Variants in DPYD observed in about 807,000 individuals in gnomAD.
DPYD encodes the protein dihydropyrimidine dehydrogenase, also known as dihydropyrimidine dehydrogenase [NADP(+)].
Under a neutral mutation model 116.2 loss-of-function variants are expected in DPYD, and 109 were observed. That is an observed-to-expected ratio of 0.94 (90% CI 0.80 to 1.10). The LOEUF (loss-of-function observed/expected upper bound fraction) is 1.10, where lower values mean the gene tolerates loss of function less well. DPYD is among the 50% of genes least tolerant of loss of function. DPYD has a pLI of 0.00. For synonymous variants in DPYD, 440 were observed against 432.0 expected, an observed-to-expected ratio of 1.02 and a Z score of -0.23; for missense variants, 1,302 against 1,254.5, an observed-to-expected ratio of 1.04 and a Z score of -0.57.
chr1:97,819,833 C>T (rs1387923459), intron 3 of DPYD, among the ~76,000 whole-genome samples: 1 of 151,996 alleles, frequency 6.6e-6, no homozygotes, highest in African/African-American at 2.4e-5. Context: ...ACTCCAAATG[C>T]TGTCACAGTG....
At chr1:97,279,125 A>G (rs777333756) in intron 18 of DPYD, among the ~76,000 whole-genome samples, 1 of 152,190 alleles carries the variant, frequency 6.6e-6, no homozygotes, top group Non-Finnish European at 1.5e-5. Context: ...TAGTGAGCAT[A>G]GTGGTGAATC....
chr1:97,605,822 AC>A (rs1195002380), intron 8 of DPYD, among the ~76,000 whole-genome samples: 4 of 152,044 alleles, frequency 2.6e-5, no homozygotes, highest in Non-Finnish European at 2.9e-5. Context: ...ATCTTGATGT[AC>A]TTAAAGCTTA....
At chr1:97,219,762 T>C (rs1215561338) in intron 19 of DPYD, among the ~76,000 whole-genome samples, 3 of 152,196 alleles carry the variant, frequency 2.0e-5, no homozygotes, top group Non-Finnish European at 4.4e-5. Flanking sequence ...GCTGGTGTGG[T>C]GTTGGCCTGT....
chr1:97,545,844 T>C (rs1650804547), intron 12 of DPYD: 2 of 1,146,344 alleles, frequency 1.7e-6, no homozygotes, highest in Admixed American at 1.7e-5. Context: ...TGCAGCTCCC[T>C]TACATTGAAG....
At chr1:97,550,163 T>C (rs1350889489) in intron 11 of DPYD, among the ~76,000 whole-genome samples, 2 of 152,198 alleles carry the variant, frequency 1.3e-5, no homozygotes, top group Non-Finnish European at 2.9e-5. Flanking sequence ...GAAAGTTACA[T>C]CATGAATTCA....
intron 8 of DPYD, among the ~76,000 whole-genome samples, chr1:97,600,452 TTTTG>T (rs1300688135): frequency 2.6e-5 from 4 of 152,180 alleles, no homozygotes; most frequent in African/African-American, 4.8e-5. Context: ...TTGTCTTTAT[TTTTG>T]TTTATTAAAT....
At chr1:97,429,786 C>T (rs1675071564) in intron 14 of DPYD, among the ~76,000 whole-genome samples, 1 of 152,014 alleles carries the variant, frequency 6.6e-6, no homozygotes, top group Admixed American at 6.6e-5. Flanking sequence ...ATTGGCAACA[C>T]ATAATTCTAA....
chr1:97,712,116 T>C (rs1208073762), intron 5 of DPYD, among the ~76,000 whole-genome samples: 2 of 152,044 alleles, frequency 1.3e-5, no homozygotes, highest in South Asian at 2.1e-4. Context: ...TCCTTTCTTC[T>C]GGAAAATTTT....
At chr1:97,082,035 A>G (rs939065186) in intron 22 of DPYD, among the ~76,000 whole-genome samples, 10 of 152,012 alleles carry the variant, frequency 6.6e-5, no homozygotes, top group Non-Finnish European at 1.3e-4. Flanking sequence ...AGTATTCCTA[A>G]TTTTGTGTGC....
chr1:97,280,296 A>G (rs1665236843), intron 18 of DPYD: 1 of 152,182 alleles, frequency 6.6e-6, no homozygotes, highest in Admixed American at 6.5e-5. Context: ...AGATTTATAT[A>G]CGCATTGAAG....
chr1:97,874,843 A>G (rs76602976), intron 2 of DPYD, among the ~76,000 whole-genome samples: 3 of 152,048 alleles, frequency 2.0e-5, no homozygotes, highest in East Asian at 3.9e-4. Flanking sequence ...AGTGCCAAAG[A>G]CAACAGAGAT....
intron 14 of DPYD, among the ~76,000 whole-genome samples, chr1:97,402,714 T>G (rs554615066): frequency 6.6e-6 from 1 of 152,242 alleles, no homozygotes; most frequent in South Asian, 2.1e-4. Flanking sequence ...ACTTCTAATT[T>G]CTCACCATTA....
chr1:97,338,965 C>CT (rs1468571423), intron 16 of DPYD, among the ~76,000 whole-genome samples: 1 of 151,660 alleles, frequency 6.6e-6, no homozygotes, highest in Non-Finnish European at 1.5e-5. Flanking sequence ...ATGTTAGTTT[C>CT]AATGTAATGA....
intron 3 of DPYD, among the ~76,000 whole-genome samples, chr1:97,826,378 C>G (rs1669247693): frequency 6.6e-6 from 1 of 150,414 alleles, no homozygotes; most frequent in South Asian, 2.1e-4. Context: ...GTATTTTCCT[C>G]ATTCACATCA....
At chr1:97,725,152 T>C (rs951569797) in intron 4 of DPYD, among the ~76,000 whole-genome samples, 13 of 151,738 alleles carry the variant, frequency 8.6e-5, no homozygotes, top group Non-Finnish European at 5.9e-5. Context: ...TTCAATATGT[T>C]AGTAATGAAC....
intron 20 of DPYD, among the ~76,000 whole-genome samples, chr1:97,099,821 G>A (rs1158585532): frequency 1.3e-5 from 2 of 152,014 alleles, no homozygotes; most frequent in Non-Finnish European, 2.9e-5. Flanking sequence ...GTCCTCTAGA[G>A]ACCTCAGTAG....
chr1:97,301,619 A>C (rs1666868945), intron 18 of DPYD, among the ~76,000 whole-genome samples: 1 of 152,046 alleles, frequency 6.6e-6, no homozygotes, highest in South Asian at 2.1e-4. Context: ...AAGGAACAAC[A>C]ACGAAAACTT....
intron 18 of DPYD, among the ~76,000 whole-genome samples, chr1:97,273,741 G>A (rs946377337): frequency 6.6e-6 from 1 of 152,084 alleles, no homozygotes; most frequent in African/African-American, 2.4e-5. Context: ...TTTCTTGCAT[G>A]AGTTCACACA....
intron 6 of DPYD, among the ~76,000 whole-genome samples, chr1:97,693,588 C>G (rs1342917276): frequency 2.0e-5 from 3 of 152,076 alleles, no homozygotes; most frequent in Non-Finnish European, 4.4e-5. Context: ...TGGACACAAA[C>G]AGACACACAG....
Sources: gnomAD v4.1 joint callset for allele counts (sites outside exome capture counted in the v4.1 genomes callset) on GRCh38, gnomAD v4.1.1 for gene constraint, MANE v1.5 for transcripts, NCBI Gene and HGNC (gene_info 2026-07-23, HGNC 2026-07-21) for gene names.